The following RALYL variants were observed in gnomAD, a reference collection of about 807,000 sequenced individuals.
RALYL encodes RALY RNA binding protein like.
Under a neutral mutation model 35.1 loss-of-function variants are expected in RALYL, and 29 were observed. The observed-to-expected ratio is 0.83, with a 90% CI of 0.61 to 1.13. The LOEUF (loss-of-function observed/expected upper bound fraction) is 1.13. Ranked by LOEUF, RALYL falls within the 50% of genes most tolerant of loss-of-function variation. The probability of loss-of-function intolerance (pLI) is 0.00; values close to 1 mark genes in which losing one functional copy is unlikely to be tolerated. For missense variants in RALYL, 359 were observed against 360.4 expected (o/e 1.00, Z 0.03); for synonymous variants, 120 against 127.6 (o/e 0.94, Z 0.40).
chr8:84,488,078 G>A (rs2054844915), intron 1 of RALYL, among the ~76,000 whole-genome samples: 1 of 151,938 alleles, frequency 6.6e-6, no homozygotes, highest in Non-Finnish European at 1.5e-5. Context: ...ATCCATACAA[G>A]GTAGAGTAAC....
chr8:84,248,186 T>A (rs569447412), intron 1 of RALYL, among the ~76,000 whole-genome samples: 10 of 152,080 alleles, frequency 6.6e-5, no homozygotes, highest in Non-Finnish European at 1.2e-4. Context: ...TGTGATTAAA[T>A]TTAGTTGGCT....
At chr8:84,798,460 T>C (rs1822449688) in intron 3 of RALYL, among the ~76,000 whole-genome samples, 1 of 152,246 alleles carries the variant, frequency 6.6e-6, no homozygotes. Flanking sequence ...GAGATAGGTC[T>C]ACTATTATTT....
intron 1 of RALYL, among the ~76,000 whole-genome samples, chr8:84,327,057 C>T (rs1423628173): frequency 6.6e-6 from 1 of 151,938 alleles, no homozygotes; most frequent in Non-Finnish European, 1.5e-5. Flanking sequence ...CATGTTTGAT[C>T]CAGAGGATAT....
At chr8:84,594,932 A>G (rs1298001726) in intron 2 of RALYL, among the ~76,000 whole-genome samples, 1 of 135,944 alleles carries the variant, frequency 7.4e-6, no homozygotes, top group Non-Finnish European at 1.6e-5. Flanking sequence ...TTGCTTTTAA[A>G]GACAGATCAT....
At chr8:84,302,723 G>T (rs1044352897) in intron 1 of RALYL, among the ~76,000 whole-genome samples, 7 of 152,162 alleles carry the variant, frequency 4.6e-5, no homozygotes, top group African/African-American at 1.7e-4. Context: ...TTGGAAAAAG[G>T]AATGGAGTCG....
At chr8:84,677,518 A>C (rs1834454297) in intron 2 of RALYL, among the ~76,000 whole-genome samples, 1 of 152,204 alleles carries the variant, frequency 6.6e-6, no homozygotes, top group African/African-American at 2.4e-5. Flanking sequence ...TGATCTGAAC[A>C]AAATGTGTTT....
At chr8:84,239,650 G>T (rs1215727903) in intron 1 of RALYL, among the ~76,000 whole-genome samples, 1 of 152,080 alleles carries the variant, frequency 6.6e-6, no homozygotes, top group Non-Finnish European at 1.5e-5. Flanking sequence ...TAGCACTTTG[G>T]GAGGCTGAGG....
chr8:84,505,703 A>C (rs1385473345), intron 1 of RALYL, among the ~76,000 whole-genome samples: 1 of 151,766 alleles, frequency 6.6e-6, no homozygotes, highest in Non-Finnish European at 1.5e-5. Context: ...CGATGATTTA[A>C]TATTAAATGG....
chr8:84,287,235 T>A (rs1030665561), intron 1 of RALYL, among the ~76,000 whole-genome samples: 2 of 152,030 alleles, frequency 1.3e-5, no homozygotes, highest in Non-Finnish European at 2.9e-5. Flanking sequence ...ACAATTTAAT[T>A]TGGATAATAA....
intron 8 of RALYL, among the ~76,000 whole-genome samples, chr8:84,913,040 G>GTAGATAGATAGATAGATAGATAGA (rs1554650721): frequency 2.3e-5 from 3 of 130,054 alleles, no homozygotes; most frequent in African/African-American, 9.6e-5. Flanking sequence ...GGATAGGTAG[G>GTAGATAGATAGATAGATAGATAGA]TAGATAGATA....
chr8:84,272,149 A>G (rs1393825451), intron 1 of RALYL, among the ~76,000 whole-genome samples: 1 of 151,856 alleles, frequency 6.6e-6, no homozygotes, highest in Non-Finnish European at 1.5e-5. Context: ...CTGTAGTGCA[A>G]TGGCTTGATC....
rs1849294715 is a variant in RALYL, at chr8:84,921,399, C to T, written c.*488C>T. Reference sequence around the variant, plus strand: ...ATTTATAGTTTAAAGTACTTCAGATCATAATGATAAAATACTTGAAAAAGT... The same window carrying T: ...ATTTATAGTTTAAAGTACTTCAGATTATAATGATAAAATACTTGAAAAAGT... On this transcript the variant is annotated 3_prime_UTR_variant, in exon 9 of 9. Transcript: ENST00000521268. The T allele has an allele frequency of 6.6e-6, 1 of 152,024 alleles. No individual in the cohort carries two copies. Among genetic ancestry groups the T allele is most frequent in the Non-Finnish European group, 1.5e-5 (1 of 67,984 alleles). The allele number at this position is 152,024 out of a possible 1,614,324, so 9.4% of individuals were successfully genotyped here.
At chr8:84,806,826 A>G (rs978211189) in intron 4 of RALYL, among the ~76,000 whole-genome samples, 7 of 152,126 alleles carry the variant, frequency 4.6e-5, no homozygotes, top group Non-Finnish European at 1.0e-4. Flanking sequence ...AGGCTGGACA[A>G]CATGGTGAAA....
intron 1 of RALYL, among the ~76,000 whole-genome samples, chr8:84,509,177 C>T (rs1024902540): frequency 3.3e-5 from 5 of 152,124 alleles, no homozygotes; most frequent in African/African-American, 1.2e-4. Context: ...TGGATGAACA[C>T]ATTCTTTGAT....
chr8:84,213,425 A>G (rs1820008743), intron 1 of RALYL, among the ~76,000 whole-genome samples: 1 of 152,222 alleles, frequency 6.6e-6, no homozygotes, highest in South Asian at 2.1e-4. Context: ...ATAAATTTTT[A>G]AAAAGCAAAA....
chr8:84,414,973 C>T (rs147026089), intron 1 of RALYL, among the ~76,000 whole-genome samples: 56 of 152,086 alleles, frequency 3.7e-4, no homozygotes, highest in African/African-American at 9.9e-4. Context: ...AATCCAAGTT[C>T]GGGGTGGGTC....
intron 2 of RALYL, among the ~76,000 whole-genome samples, chr8:84,722,628 T>TATATATAA: frequency 7.0e-6 from 1 of 142,240 alleles, no homozygotes; most frequent in Non-Finnish European, 1.5e-5. Context: ...TATATATATA[T>TATATATAA]ATATATATAT....
intron 2 of RALYL, among the ~76,000 whole-genome samples, chr8:84,594,317 G>T (rs538197187): frequency 6.6e-6 from 1 of 151,998 alleles, no homozygotes; most frequent in Non-Finnish European, 1.5e-5. Context: ...ATATAATCAT[G>T]TTGCCTAGCA....
chr8:84,222,439 G>A (rs1822472707), intron 1 of RALYL, among the ~76,000 whole-genome samples: 1 of 152,084 alleles, frequency 6.6e-6, no homozygotes, highest in Admixed American at 6.6e-5. Flanking sequence ...TTTCAAAATG[G>A]TGGATGCCAT....
Sources: gnomAD v4.1 joint callset for allele counts (sites outside exome capture counted in the v4.1 genomes callset) on GRCh38, gnomAD v4.1.1 for gene constraint, MANE v1.5 for transcripts, NCBI Gene and HGNC (gene_info 2026-07-23, HGNC 2026-07-21) for gene names.